The following ANO3 variants were observed in gnomAD, a reference collection of about 807,000 sequenced individuals.
The protein encoded by ANO3 is anoctamin 3, also known as anoctamin-3.
In ANO3, 99 loss-of-function variants were observed where a neutral mutation model predicts 144.8. The observed-to-expected ratio is 0.68, with a 90% CI of 0.58 to 0.81. The LOEUF is 0.81. Among genes scored for constraint, ANO3 ranks in the 30% least tolerant of loss-of-function variants. The pLI, the probability that ANO3 is intolerant of heterozygous loss-of-function variation, is 0.00. For missense variants in ANO3, 905 were observed against 1,202.2 expected, an observed-to-expected ratio of 0.75 and a Z score of 3.66; for synonymous variants, 414 against 392.6, an observed-to-expected ratio of 1.05 and a Z score of -0.64.
intron 4 of ANO3, among the ~76,000 whole-genome samples, chr11:26,475,001 G>C (rs75714965): frequency 0.024 from 3,618 of 151,872 alleles, 125 homozygotes; most frequent in African/African-American, 0.082. Flanking sequence ...AAATCATAGT[G>C]TATGCTTCAT....
chr11:26,353,818 T>C (rs759295042), intron 1 of ANO3, among the ~76,000 whole-genome samples: 27 of 152,204 alleles, frequency 1.8e-4, no homozygotes, highest in Non-Finnish European at 3.5e-4. Flanking sequence ...TCCGCCTGCC[T>C]CAGCCTCCCA....
At chr11:26,494,227 T>A (rs966532286) in intron 4 of ANO3, among the ~76,000 whole-genome samples, 1 of 149,304 alleles carries the variant, frequency 6.7e-6, no homozygotes, top group African/African-American at 2.5e-5. Context: ...TTCATATATA[T>A]GTGTGTGTAT....
chr11:26,452,689 A>G (rs1266725354), intron 3 of ANO3, among the ~76,000 whole-genome samples: 2 of 152,208 alleles, frequency 1.3e-5, no homozygotes, highest in Admixed American at 6.5e-5. Context: ...TCCCCAATCT[A>G]GCAAGGCAGG....
chr11:26,553,003 C>CACAAGTGTAAAAATGGCCTGTTATCATT (rs145559609), intron 12 of ANO3, among the ~76,000 whole-genome samples: 151,377 of 151,724 alleles, frequency 1, 75,516 homozygotes, highest in Middle Eastern at 1. Flanking sequence ...CCATTTATCA[C>CACAAGTGTAAAAATGGCCTGTTATCATT]ACAATTATCT....
intron 1 of ANO3, among the ~76,000 whole-genome samples, chr11:26,235,002 A>AAGAGAGAGAGAGAGAGAGAG (rs10694750): frequency 0.016 from 2,205 of 140,080 alleles, 37 homozygotes; most frequent in East Asian, 0.024. Context: ...AGAGAAAAGA[A>AAGAGAGAGAGAGAGAGAGAG]AGAGAGAGAG....
intron 1 of ANO3, among the ~76,000 whole-genome samples, chr11:26,239,575 A>G (rs72872775): frequency 0.042 from 6,336 of 152,176 alleles, 185 homozygotes; most frequent in Non-Finnish European, 0.059. Flanking sequence ...TCTTGCTACT[A>G]TAGTAGCTTT....
At chr11:26,346,197 C>T (rs1855492097) in intron 1 of ANO3, among the ~76,000 whole-genome samples, 1 of 152,090 alleles carries the variant, frequency 6.6e-6, no homozygotes, top group Non-Finnish European at 1.5e-5. Flanking sequence ...GATAAAATCC[C>T]ATGGACCTGC....
At chr11:26,246,152 A>T (rs992899766) in intron 1 of ANO3, among the ~76,000 whole-genome samples, 2 of 152,112 alleles carry the variant, frequency 1.3e-5, no homozygotes, top group African/African-American at 2.4e-5. Flanking sequence ...ATGTCAAAGC[A>T]CCGTATTTGT....
intron 13 of ANO3, among the ~76,000 whole-genome samples, chr11:26,558,012 G>A (rs1850139768): frequency 6.6e-6 from 1 of 152,098 alleles, no homozygotes; most frequent in Non-Finnish European, 1.5e-5. Flanking sequence ...TCTCCCATTA[G>A]ATGTATATAA....
At chr11:26,506,827 CT>C (rs1488976890) in intron 4 of ANO3, among the ~76,000 whole-genome samples, 2 of 152,102 alleles carry the variant, frequency 1.3e-5, no homozygotes, top group African/African-American at 4.8e-5. Context: ...ACTCGTTGGC[CT>C]TTATCTCCTT....
chr11:26,612,002 G>A (rs1383704081), intron 17 of ANO3, among the ~76,000 whole-genome samples: 1 of 151,904 alleles, frequency 6.6e-6, no homozygotes, highest in Non-Finnish European at 1.5e-5. Context: ...TGTCTTAATG[G>A]CGAGGTGAGT....
intron 1 of ANO3, among the ~76,000 whole-genome samples, chr11:26,207,731 T>C (rs1271011333): frequency 6.6e-6 from 1 of 152,156 alleles, no homozygotes; most frequent in Non-Finnish European, 1.5e-5. Flanking sequence ...TAGATTACAG[T>C]AAAACTGACC....
intron 23 of ANO3, among the ~76,000 whole-genome samples, chr11:26,645,447 C>CT (rs1311518334): frequency 2.0e-5 from 3 of 151,636 alleles, no homozygotes; most frequent in Non-Finnish European, 4.4e-5. Context: ...CTCCACATGT[C>CT]TTTTTTTGGG....
chr11:26,217,253 G>C (rs1336149949), intron 1 of ANO3, among the ~76,000 whole-genome samples: 6 of 152,010 alleles, frequency 3.9e-5, no homozygotes, highest in Non-Finnish European at 1.5e-5. Context: ...GATAAGGTCT[G>C]TGTCTAGGTT....
intron 1 of ANO3, among the ~76,000 whole-genome samples, chr11:26,339,786 G>A (rs775395707): frequency 3.9e-5 from 6 of 152,146 alleles, no homozygotes; most frequent in Non-Finnish European, 7.4e-5. Context: ...TTACAGAAGC[G>A]TGAAATAATA....
chr11:26,634,447 C>T (rs1185831540), intron 19 of ANO3, 132 bp downstream of exon 19: 3 of 593,050 alleles, frequency 5.1e-6, no homozygotes, highest in South Asian at 2.4e-5. Context: ...AAAAATAAAA[C>T]CTATTTGCTG....
At chr11:26,505,321 G>C (rs1294960763) in intron 4 of ANO3, among the ~76,000 whole-genome samples, 11 of 152,218 alleles carry the variant, frequency 7.2e-5, no homozygotes, top group Admixed American at 7.2e-4. Context: ...GGAAGTACCT[G>C]TTTGGAGAAG....
intron 5 of ANO3, among the ~76,000 whole-genome samples, chr11:26,511,888 T>C (rs1031806754): frequency 4.6e-5 from 7 of 152,096 alleles, no homozygotes; most frequent in African/African-American, 1.7e-4. Context: ...GGAAGGAATA[T>C]TTTTCAATAC....
At chr11:26,644,331 T>A (rs1853269688) in intron 23 of ANO3, among the ~76,000 whole-genome samples, 1 of 152,218 alleles carries the variant, frequency 6.6e-6, no homozygotes, top group Non-Finnish European at 1.5e-5. Flanking sequence ...CACAAATTTC[T>A]ATGATATGTA....
Sources: gnomAD v4.1 joint callset for allele counts (sites outside exome capture counted in the v4.1 genomes callset) on GRCh38, gnomAD v4.1.1 for gene constraint, MANE v1.5 for transcripts, NCBI Gene and HGNC (gene_info 2026-07-23, HGNC 2026-07-21) for gene names.